The following RNF32 variants were observed in gnomAD, a reference collection of about 807,000 sequenced individuals.
RNF32 encodes the protein ring finger protein 32.
In RNF32, 36 loss-of-function variants were observed where a neutral mutation model predicts 41.0. The observed-to-expected ratio is 0.88, with a 90% CI of 0.67 to 1.16. The LOEUF (loss-of-function observed/expected upper bound fraction) is 1.16, where lower values mean the gene tolerates loss of function less well. Ranked by LOEUF, RNF32 falls within the 50% of genes most tolerant of loss-of-function variation. The pLI, the probability that RNF32 is intolerant of heterozygous loss-of-function variation, is 0.00. For synonymous variants in RNF32, 154 were observed against 160.9 expected, an observed-to-expected ratio of 0.96 and a Z score of 0.32; for missense variants, 413 against 436.7, an observed-to-expected ratio of 0.95 and a Z score of 0.48.
At position 156,654,706 on chromosome 7, in the gene RNF32, G is replaced by T; in HGVS notation, c.405G>T (p.Glu135Asp). 6.2e-7 allele frequency: 1 copy of T among 1,614,062 alleles called. No individual in the cohort carries two copies. Among genetic ancestry groups the T allele is most frequent in the East Asian group, 2.2e-5 (1 of 44,884 alleles). The change falls in exon 4 of 9, where the codon GAG (glutamate) becomes GAT (aspartate). Residue 135 changes from glutamate to aspartate, a missense_variant. Glu to Asp is a conservative substitution (Grantham distance 45). Coordinates refer to ENST00000317955, the MANE Select transcript of RNF32 (RefSeq NM_030936.4). Reference protein sequence around the residue: ...QPCPICKEEFELRPQVLLSCS... With the variant: ...QPCPICKEEFDLRPQVLLSCS... Reference sequence around the variant, plus strand: ...GCCCCATCTGTAAAGAAGAATTCGAGCTTCGTCCTCAGGTGTTTAGCATAC... The same window carrying T: ...GCCCCATCTGTAAAGAAGAATTCGATCTTCGTCCTCAGGTGTTTAGCATAC...
Position 156,675,809 on chromosome 7 carries a change from A to C in RNF32, c.798A>C (p.Glu266Asp), listed in dbSNP as rs1464240977. 6.2e-7 allele frequency: 1 copy of C among 1,614,212 alleles called. No homozygotes were observed. The highest frequency in any genetic ancestry group is 1.1e-5 in the South Asian group (1 of 91,080). ...ATCGAAGTGTTCTTCAGCAGTTGGA[A>C]GAAAAATGTGGCCATGAGATCACAG... Reference protein sequence around the residue: ...AINRSVLQQLEEKCGHEITEE... With the variant: ...AINRSVLQQLDEKCGHEITEE... The change falls in exon 8 of 9, where the codon GAA becomes GAC. Residue 266 changes from glutamate (E) to aspartate (D), a missense_variant. Physicochemically the swap from Glu to Asp is conservative, Grantham distance 45. Transcript: ENST00000317955.
intron 7 of RNF32, among the ~76,000 whole-genome samples, chr7:156,664,415 C>T (rs984864273): frequency 6.6e-6 from 1 of 151,944 alleles, no homozygotes; most frequent in African/African-American, 2.4e-5. Context: ...GAGCCAAGAT[C>T]GTGCCATTGC....
intron 3 of RNF32, among the ~76,000 whole-genome samples, chr7:156,647,938 G>A (rs959251978): frequency 6.6e-6 from 1 of 151,922 alleles, no homozygotes; most frequent in East Asian, 1.9e-4. Context: ...GACGAGTGAC[G>A]ACCATTTTTT....
Position 156,675,813 on chromosome 7 carries a change from A to G in RNF32, c.802A>G (p.Lys268Glu). The stretch of plus-strand genomic sequence containing the variant: ...AAGTGTTCTTCAGCAGTTGGAAGAA[A>G]AATGTGGCCATGAGATCACAGAAGA... ...NRSVLQQLEE[K>E]CGHEITEEEW... is the part of the protein sequence containing the mutation. The change falls in exon 8 of 9, where the codon AAA (lysine) becomes GAA (glutamate). Residue 268 changes from lysine (K) to glutamate (E), a missense_variant. Lys to Glu is a moderately conservative substitution (Grantham distance 56). Coordinates refer to ENST00000317955, the MANE Select transcript of RNF32 (RefSeq NM_030936.4). 1 of 1,614,216 alleles carries G rather than the reference A, an allele frequency of 6.2e-7. No homozygotes were observed. The highest frequency in any genetic ancestry group is 1.1e-5 in the South Asian group (1 of 91,086).
intron 1 of RNF32, chr7:156,642,882 G>A (rs911127206): frequency 6.6e-6 from 1 of 152,216 alleles, no homozygotes; most frequent in African/African-American, 2.4e-5. Flanking sequence ...TCTCATCAGC[G>A]TTATAGGGAA....
chr7:156,652,760 T>G (rs1234118094), intron 3 of RNF32, among the ~76,000 whole-genome samples: 1 of 152,132 alleles, frequency 6.6e-6, no homozygotes, highest in East Asian at 1.9e-4. Context: ...ATATTTTGTA[T>G]TAACTGAAAA....
intron 3 of RNF32, among the ~76,000 whole-genome samples, chr7:156,647,148 G>A (rs551765553): frequency 6.6e-6 from 1 of 151,650 alleles, no homozygotes; most frequent in South Asian, 2.1e-4. Context: ...CACCATGCCT[G>A]GCCTGTTTTT....
intron 7 of RNF32, among the ~76,000 whole-genome samples, chr7:156,664,523 T>C (rs966712539): frequency 1.3e-5 from 2 of 152,152 alleles, no homozygotes; most frequent in East Asian, 3.8e-4. Flanking sequence ...TTTGTCCTGG[T>C]TGACAAGGCA....
chr7:156,676,265 A>G, intron 8 of RNF32, 154 bp from the exon 9 acceptor site: 2 of 1,548,742 alleles, frequency 1.3e-6, no homozygotes, highest in Non-Finnish European at 1.7e-6. Context: ...ATGTATATAT[A>G]TAAATAAAAT....
rs1802721920 is a variant in RNF32 at position 156,672,325 on chromosome 7, T to C, written c.685-3371T>C. On this transcript the variant is annotated intron_variant, in intron 7 of 8. Transcript: ENST00000317955. ...CAGGTGCAAAACCCTTTAAAAACCC[T>C]GGATGCTATTACCAGCGTTAAGAAC... 2.0e-5 allele frequency among the ~76,000 whole-genome samples: 3 copies of C among 152,266 alleles called. No individual in the cohort carries two copies. In the South Asian group the frequency reaches 6.2e-4, roughly 32 times the overall value.
intron 7 of RNF32, among the ~76,000 whole-genome samples, chr7:156,674,134 C>T (rs952979897): frequency 6.6e-6 from 1 of 152,178 alleles, no homozygotes; most frequent in Non-Finnish European, 1.5e-5. Flanking sequence ...CAAATAACCC[C>T]CCGAATTTCA....
Position 156,666,046 on chromosome 7 carries a change from T to C in RNF32, c.684+7476T>C, listed in dbSNP as rs553967421. Reference sequence around the variant, plus strand: ...ACTTGTTTGCTATACTTGGGAACCATTGGTTTCGATCAAAGATAAGTTGCC... The same window carrying C: ...ACTTGTTTGCTATACTTGGGAACCACTGGTTTCGATCAAAGATAAGTTGCC... On this transcript the variant is annotated intron_variant, in intron 7 of 8. Transcript: ENST00000317955. 4.6e-5 allele frequency among the ~76,000 whole-genome samples: 7 copies of C among 152,342 alleles called. No homozygotes were observed. In the East Asian group the frequency reaches 5.8e-4, roughly 13 times the overall value.
chr7:156,666,492 G>T (rs1585078534), intron 7 of RNF32, among the ~76,000 whole-genome samples: 1 of 152,164 alleles, frequency 6.6e-6, no homozygotes, highest in Non-Finnish European at 1.5e-5. Flanking sequence ...CAGTGATGTC[G>T]TGCTACAATG....
At chr7:156,660,398 T>A (rs1800452040) in intron 7 of RNF32, 2 of 565,394 alleles carry the variant, frequency 3.5e-6, no homozygotes, top group Non-Finnish European at 4.5e-6. Flanking sequence ...TTTAAGATGA[T>A]CTCAGATGAT....
chr7:156,658,687 T>G (rs1207754313), intron 7 of RNF32, 117 bp downstream of exon 7: 1 of 806,008 alleles, frequency 1.2e-6, no homozygotes, highest in Non-Finnish European at 2.0e-6. Context: ...TGAGGGCTTT[T>G]TAAAAATGGG....
chr7:156,675,517 G>A (rs988061411), intron 7 of RNF32, among the ~76,000 whole-genome samples, 179 bp from the exon 8 acceptor site: 22 of 152,182 alleles, frequency 1.4e-4, no homozygotes, highest in Non-Finnish European at 4.4e-5. Flanking sequence ...GTGGTCATCT[G>A]TCCAGATTAT....
In RNF32 at chr7:156,668,569, G is replaced by A. The variant is rs73744303; in HGVS notation, c.685-7127G>A. Among the ~76,000 whole-genome samples the A allele has an allele frequency of 4.2e-4, 64 of 152,240 alleles. 1 individual carries two copies. The highest frequency in any genetic ancestry group is 1.3e-3 in the African/African-American group (54 of 41,528). ...CTCACTCCTTCCTTCCCAGGTCCCC[G>A]TCCCACTGGCTGCATCTGCCCAGAG... On this transcript the variant is annotated intron_variant, in intron 7 of 8. Transcript: ENST00000317955.
At chr7:156,667,837 T>C (rs940205138) in intron 7 of RNF32, among the ~76,000 whole-genome samples, 2 of 152,222 alleles carry the variant, frequency 1.3e-5, no homozygotes, top group Non-Finnish European at 2.9e-5. Flanking sequence ...CTGTTTAAAT[T>C]TGTCATAAAT....
chr7:156,644,503 A>C lies in RNF32; in HGVS notation c.20A>C (p.His7Pro), dbSNP rs757064299. Residue 7 changes from histidine (H) to proline (P), a missense_variant, in exon 3 of 9, where the codon CAC (histidine) becomes CCC (proline). By Grantham distance (77) the His-to-Pro change is moderately conservative (BLOSUM62 -2). Transcript: ENST00000317955. MLKNKGHSSKKDNLAVN... is the reference protein window; with the variant it reads MLKNKGPSSKKDNLAVN... ...GACTTTTTTCCTACTTTTTAGGGTC[A>C]CTCATCTAAGAAAGATAACTTGGCA... 4.4e-6 allele frequency: 7 copies of C among 1,608,152 alleles called. No individual in the cohort carries two copies. The highest frequency in any genetic ancestry group is 5.9e-6 in the Non-Finnish European group (7 of 1,177,278).
Sources: allele counts gnomAD v4.1 joint callset (sites outside exome capture counted in the v4.1 genomes callset), GRCh38; gene constraint gnomAD v4.1.1; transcripts MANE v1.5; gene names NCBI Gene and HGNC (gene_info 2026-07-23, HGNC 2026-07-21).